Variants in PCDH15 observed in about 807,000 individuals in gnomAD.
The protein encoded by PCDH15 is protocadherin related 15.
A neutral mutation model predicts 178.5 loss-of-function variants in PCDH15; 129 were observed. That is an observed-to-expected ratio of 0.72 (90% confidence interval 0.63 to 0.84). The LOEUF (loss-of-function observed/expected upper bound fraction) is 0.84, where lower values mean the gene tolerates loss of function less well. Ranked by LOEUF, PCDH15 falls within the 40% of genes least tolerant of loss-of-function variation. PCDH15 has a pLI of 0.00. For missense variants in PCDH15, 2,230 were observed against 2,099.9 expected (o/e 1.06, Z -1.21); for synonymous variants, 800 against 732.0 (o/e 1.09, Z -1.50).
intron 9 of PCDH15, among the ~76,000 whole-genome samples, chr10:54,219,533 C>T (rs1171027472): frequency 7.2e-6 from 1 of 138,026 alleles, no homozygotes; most frequent in Non-Finnish European, 1.5e-5. Context: ...GTGGAGCTTG[C>T]AGTGAGCCAA....
At chr10:55,177,388 C>T (rs932304673) in intron 1 of PCDH15, among the ~76,000 whole-genome samples, 2 of 152,228 alleles carry the variant, frequency 1.3e-5, no homozygotes, top group African/African-American at 2.4e-5. Flanking sequence ...ATTGGGAAGC[C>T]GTTCAATCCT....
intron 2 of PCDH15, among the ~76,000 whole-genome samples, chr10:54,573,296 T>C (rs1242127561): frequency 1.3e-5 from 2 of 152,088 alleles, no homozygotes. Flanking sequence ...TTTCTTGATG[T>C]TTTCATAATT....
intron 1 of PCDH15, among the ~76,000 whole-genome samples, chr10:54,746,912 A>AT (rs1766265836): frequency 6.6e-6 from 1 of 152,266 alleles, no homozygotes; most frequent in East Asian, 1.9e-4. Flanking sequence ...CCAACTTACA[A>AT]TTTTTTGACT....
chr10:55,484,219 T>C (rs1840249544), intron 2 of PCDH15, among the ~76,000 whole-genome samples: 1 of 151,604 alleles, frequency 6.6e-6, no homozygotes, highest in African/African-American at 2.4e-5. Context: ...AGTAAGATAA[T>C]CTGTACAACA....
intron 2 of PCDH15, among the ~76,000 whole-genome samples, chr10:55,607,857 C>G (rs1476931312): frequency 2.7e-5 from 4 of 150,524 alleles, no homozygotes; most frequent in Admixed American, 6.7e-5. Context: ...ATGTAACTAA[C>G]CTGCACATTG....
chr10:54,468,311 C>T (rs1000980490), intron 3 of PCDH15, among the ~76,000 whole-genome samples: 4 of 151,486 alleles, frequency 2.6e-5, no homozygotes, highest in African/African-American at 9.7e-5. Context: ...AAACTTTCCT[C>T]TTAGTATTGT....
intron 29 of PCDH15, among the ~76,000 whole-genome samples, chr10:53,835,900 C>T (rs1048513073): frequency 6.6e-5 from 10 of 152,166 alleles, no homozygotes; most frequent in African/African-American, 2.4e-4. Context: ...AGGCAGGACA[C>T]AAGAGAATAT....
At chr10:55,432,776 A>AATAT (rs34512028) in intron 2 of PCDH15, among the ~76,000 whole-genome samples, 24 of 147,816 alleles carry the variant, frequency 1.6e-4, no homozygotes, top group South Asian at 4.3e-4. Flanking sequence ...ACGCCCGGCT[A>AATAT]ATATATATAT....
In PCDH15 at chr10:54,206,629, T is replaced by A. The variant is rs115242218; in HGVS notation, c.1098+7307A>T. ...AATGTATTTTGTAATAAGCAAATTT[T>A]AAAAAATCATTAACATAAAAATTAT... On this transcript the variant is annotated intron_variant, in intron 10 of 37. Coordinates refer to ENST00000644397, the MANE Select transcript of PCDH15 (RefSeq NM_001384140.1). Among the ~76,000 whole-genome samples the A allele has an allele frequency of 6.2e-3, 944 of 152,178 alleles. 9 individuals carry two copies. The highest frequency in any genetic ancestry group is 0.019 in the African/African-American group (778 of 41,544).
At chr10:55,391,170 T>G (rs1287427659) in intron 2 of PCDH15, among the ~76,000 whole-genome samples, 1 of 152,068 alleles carries the variant, frequency 6.6e-6, no homozygotes, top group Non-Finnish European at 1.5e-5. Flanking sequence ...CTTAGCTAGA[T>G]CATCTGGATA....
At chr10:54,747,435 G>C (rs1205875909) in intron 1 of PCDH15, among the ~76,000 whole-genome samples, 1 of 152,202 alleles carries the variant, frequency 6.6e-6, no homozygotes, top group Non-Finnish European at 1.5e-5. Context: ...GATGTTTTCA[G>C]TTAGAATTCC....
At chr10:55,293,100 G>A (rs558487466) in intron 1 of PCDH15, among the ~76,000 whole-genome samples, 9 of 152,112 alleles carry the variant, frequency 5.9e-5, no homozygotes, top group East Asian at 1.9e-4. Context: ...TAGGGGTAGG[G>A]TCCCAAACCC....
intron 26 of PCDH15, among the ~76,000 whole-genome samples, chr10:53,890,421 T>G (rs538866126): frequency 1.3e-5 from 2 of 152,118 alleles, no homozygotes; most frequent in Non-Finnish European, 2.9e-5. Context: ...AGTGAGACAC[T>G]GTCTCAAAAA....
At chr10:53,988,399 T>G (rs558234249) in intron 21 of PCDH15, among the ~76,000 whole-genome samples, 4 of 152,178 alleles carry the variant, frequency 2.6e-5, no homozygotes, top group African/African-American at 4.8e-5. Context: ...TATAGATAGT[T>G]GCACTCAGAT....
intron 2 of PCDH15, among the ~76,000 whole-genome samples, chr10:54,530,536 T>C (rs1166633692): frequency 6.6e-6 from 1 of 152,200 alleles, no homozygotes; most frequent in Non-Finnish European, 1.5e-5. Context: ...GAATGTTTGT[T>C]GACTTTTTCC....
At chr10:54,895,760 A>G (rs2131820389) in intron 3 of PCDH15, among the ~76,000 whole-genome samples, 1 of 152,328 alleles carries the variant, frequency 6.6e-6, no homozygotes, top group Non-Finnish European at 1.5e-5. Flanking sequence ...ATTTTGAGGT[A>G]TATATCACTA....
intron 3 of PCDH15, among the ~76,000 whole-genome samples, chr10:54,478,343 A>T (rs965487711): frequency 6.6e-5 from 10 of 152,154 alleles, no homozygotes; most frequent in African/African-American, 2.4e-4. Context: ...GGTCCTAAGG[A>T]AAAAGACTTT....
intron 2 of PCDH15, among the ~76,000 whole-genome samples, chr10:55,556,796 G>A (rs900324662): frequency 1.3e-5 from 2 of 152,110 alleles, no homozygotes; most frequent in South Asian, 2.1e-4. Flanking sequence ...AGCCTAGATC[G>A]CACCACTGTA....
chr10:54,272,968 A>T (rs1463475069), intron 8 of PCDH15, among the ~76,000 whole-genome samples: 1 of 152,166 alleles, frequency 6.6e-6, no homozygotes, highest in Non-Finnish European at 1.5e-5. Context: ...TGATTATCAG[A>T]GTATAATGTG....
Sources: gnomAD v4.1 joint callset for allele counts (sites outside exome capture counted in the v4.1 genomes callset) on GRCh38, gnomAD v4.1.1 for gene constraint, MANE v1.5 for transcripts, NCBI Gene and HGNC (gene_info 2026-07-23, HGNC 2026-07-21) for gene names.